Variants in DIAPH2 observed in about 807,000 individuals in gnomAD.
DIAPH2 encodes protein diaphanous homolog 2.
A neutral mutation model predicts 92.7 loss-of-function variants in DIAPH2; 35 were observed. The observed-to-expected ratio is 0.38, with a 90% CI of 0.29 to 0.50. The LOEUF is 0.50. Ranked by LOEUF, DIAPH2 falls within the 20% of genes least tolerant of loss-of-function variation. The probability of loss-of-function intolerance (pLI) is 0.94; values close to 1 mark genes in which losing one functional copy is unlikely to be tolerated. For missense variants in DIAPH2, 701 were observed against 819.5 expected, an observed-to-expected ratio of 0.86 and a Z score of 1.77; for synonymous variants, 301 against 280.4, an observed-to-expected ratio of 1.07 and a Z score of -0.73.
chrX:97,298,610 C>T (rs1403786408), intron 23 of DIAPH2, among the ~76,000 whole-genome samples: 2 of 87,705 alleles, frequency 2.3e-5, no homozygotes, highest in African/African-American at 4.5e-5. Context: ...ACTCTTAGTC[C>T]TTTTTTTTTT....
chrX:97,110,982 C>CAA (rs1391907231), intron 20 of DIAPH2, among the ~76,000 whole-genome samples: 50 of 78,522 alleles, frequency 6.4e-4, no homozygotes, highest in African/African-American at 2.6e-3. Context: ...GACTCCGTCT[C>CAA]AAAAAAAACA....
At chrX:97,491,458 T>G (rs776924800) in intron 26 of DIAPH2, among the ~76,000 whole-genome samples, 4 of 111,743 alleles carry the variant, frequency 3.6e-5, no homozygotes, top group Non-Finnish European at 7.5e-5. Context: ...TTGCCCAGGC[T>G]GGAGTGCAGT....
chrX:96,923,116 G>A (rs927736134), intron 9 of DIAPH2, among the ~76,000 whole-genome samples: 17 of 111,590 alleles, frequency 1.5e-4, no homozygotes, highest in Admixed American at 9.6e-4. Context: ...TTTATAGAAC[G>A]GGAAAGTAGT....
intron 22 of DIAPH2, among the ~76,000 whole-genome samples, chrX:97,215,828 G>A (rs1304816371): frequency 8.9e-6 from 1 of 112,200 alleles, no homozygotes; most frequent in Non-Finnish European, 1.9e-5. Context: ...GAATGTACGT[G>A]TACTGTTGAG....
At chrX:96,927,744 G>C (rs1287298376) in intron 9 of DIAPH2, among the ~76,000 whole-genome samples, 2 of 111,172 alleles carry the variant, frequency 1.8e-5, no homozygotes, top group Non-Finnish European at 3.8e-5. Context: ...GTGTGGAGTG[G>C]GGTGGCAGAA....
At chrX:97,544,504 A>C in intron 26 of DIAPH2, among the ~76,000 whole-genome samples, 1 of 111,936 alleles carries the variant, frequency 8.9e-6, no homozygotes, top group East Asian at 2.8e-4. Flanking sequence ...CAGTACACAG[A>C]CACAGTGTTG....
chrX:96,936,630 C>A (rs2065659705), intron 10 of DIAPH2, among the ~76,000 whole-genome samples: 2 of 111,532 alleles, frequency 1.8e-5, no homozygotes, highest in Non-Finnish European at 3.8e-5. Flanking sequence ...AACTTTTATG[C>A]CCAAGTTGGT....
At chrX:96,881,911 T>A (rs983498702) in intron 5 of DIAPH2, among the ~76,000 whole-genome samples, 193 bp downstream of exon 5, 1 of 111,823 alleles carries the variant, frequency 8.9e-6, no homozygotes, top group African/African-American at 3.2e-5. Context: ...TCTCTAGTAA[T>A]GTACAATTTT....
Position 97,318,087 on chromosome X carries a change from C to T in DIAPH2, c.2845-30029C>T, listed in dbSNP as rs1215146678. 5.4e-5 allele frequency among the ~76,000 whole-genome samples: 6 copies of T among 111,721 alleles called. No homozygotes were observed. The East Asian group carries it at 1.7e-3, about 32-fold the overall frequency. ...TTGTACCTATTGACCAGCCTCTCTCCATCCTTCCCTTCCTCTTCCCCTCTC... is the reference window on the plus strand; with the variant it reads ...TTGTACCTATTGACCAGCCTCTCTCTATCCTTCCCTTCCTCTTCCCCTCTC... On this transcript the variant is annotated intron_variant, in intron 23 of 26. Coordinates refer to ENST00000324765, the MANE Select transcript of DIAPH2 (RefSeq NM_006729.5).
intron 4 of DIAPH2, among the ~76,000 whole-genome samples, chrX:96,861,345 TTGCCGTACTTCCAGA>T (rs1420672753): frequency 9.8e-5 from 11 of 112,164 alleles, no homozygotes; most frequent in Non-Finnish European, 1.3e-4. Flanking sequence ...GAAATTGACA[TTGCCGTACTTCCAGA>T]TGTCTAAACT....
intron 4 of DIAPH2, among the ~76,000 whole-genome samples, chrX:96,872,370 C>CTGGCT (rs750237917): frequency 2.5e-4 from 28 of 111,825 alleles, no homozygotes; most frequent in African/African-American, 9.1e-4. Context: ...CTTTCTTTGC[C>CTGGCT]TGGCTTATTT....
At chrX:97,348,043 T>A in intron 23 of DIAPH2, 73 bp from the exon 24 acceptor site, 1 of 1,009,858 alleles carries the variant, frequency 9.9e-7, no homozygotes, top group Non-Finnish European at 1.4e-6. Context: ...GATGATTTAA[T>A]TTAATCTTAA....
chrX:97,469,679 T>G (rs370555321), intron 26 of DIAPH2: 6 of 1,199,712 alleles, frequency 5.0e-6, no homozygotes, highest in Non-Finnish European at 6.7e-6. Flanking sequence ...TCTCTTTATT[T>G]CTTCTTTTCT....
intron 23 of DIAPH2, among the ~76,000 whole-genome samples, chrX:97,311,566 C>T (rs766316128): frequency 3.4e-4 from 38 of 110,915 alleles, no homozygotes; most frequent in African/African-American, 1.2e-3. Context: ...TCTTCTTGTG[C>T]TGAGTTAGTT....
chrX:97,541,785 C>A (rs930160138), intron 26 of DIAPH2, among the ~76,000 whole-genome samples: 1 of 112,185 alleles, frequency 8.9e-6, no homozygotes, highest in Non-Finnish European at 1.9e-5. Context: ...TTTCTAGAAT[C>A]TTTTTTCCTT....
intron 22 of DIAPH2, among the ~76,000 whole-genome samples, chrX:97,183,977 T>C (rs2067560842): frequency 8.9e-6 from 1 of 112,501 alleles, no homozygotes; most frequent in Non-Finnish European, 1.9e-5. Flanking sequence ...TGATATGTAG[T>C]GCTATAACCC....
intron 4 of DIAPH2, among the ~76,000 whole-genome samples, chrX:96,832,902 T>G (rs760853432): frequency 7.2e-5 from 8 of 111,637 alleles, no homozygotes; most frequent in Non-Finnish European, 1.1e-4. Context: ...GCTTGCCAAA[T>G]TATTTTTAGA....
intron 18 of DIAPH2, among the ~76,000 whole-genome samples, chrX:97,074,129 G>A (rs1016749060): frequency 1.8e-5 from 2 of 112,061 alleles, no homozygotes; most frequent in Non-Finnish European, 1.9e-5. Context: ...TCTGCGTGCC[G>A]GGCGCGGTGG....
chrX:97,279,311 T>A (rs1452867328), intron 23 of DIAPH2, among the ~76,000 whole-genome samples: 1 of 94,445 alleles, frequency 1.1e-5, no homozygotes, highest in Non-Finnish European at 2.1e-5. Flanking sequence ...TTTTTGAGAC[T>A]TTTTTTTTTT....
Sources: gnomAD v4.1 joint callset for allele counts (sites outside exome capture counted in the v4.1 genomes callset) on GRCh38, gnomAD v4.1.1 for gene constraint, MANE v1.5 for transcripts, NCBI Gene and HGNC (gene_info 2026-07-23, HGNC 2026-07-21) for gene names.